Variants in CNTN5 observed in about 807,000 individuals in gnomAD.
The protein encoded by CNTN5 is contactin 5.
CNTN5 carries 77 observed loss-of-function variants against 129.1 expected under a neutral mutation model. That is an observed-to-expected ratio of 0.60 (90% CI 0.50 to 0.72). The LOEUF (loss-of-function observed/expected upper bound fraction) is 0.72, where lower values mean the gene tolerates loss of function less well. CNTN5 is among the 30% of genes least tolerant of loss of function. The pLI is 0.00. For synonymous variants in CNTN5, 509 were observed against 465.6 expected, an observed-to-expected ratio of 1.09 and a Z score of -1.20; for missense variants, 1,478 against 1,328.8, an observed-to-expected ratio of 1.11 and a Z score of -1.75.
rs147677504 is a variant in CNTN5, at chr11:99,729,817, A to G, written c.56-89727A>G. ...CACAGGAACAAAAAACAAACACTGC[A>G]TGTTCTCACTTATAAGTGGGAGCTG... On this transcript the variant is annotated intron_variant, in intron 3 of 24. Transcript: ENST00000524871. Among the ~76,000 whole-genome samples, 1,410 of 152,294 alleles carry G rather than the reference A, an allele frequency of 9.3e-3. 24 individuals are homozygous for G. Among genetic ancestry groups the G allele is most frequent in the African/African-American group, 0.032 (1,320 of 41,554 alleles).
At chr11:100,009,160 C>CTAAA (rs1940368301) in intron 9 of CNTN5, among the ~76,000 whole-genome samples, 2 of 152,106 alleles carry the variant, frequency 1.3e-5, no homozygotes, top group African/African-American at 4.8e-5. Flanking sequence ...CCATAAGCTG[C>CTAAA]AAGCTTTCTC....
chr11:100,285,302 G>C (rs1211397554), intron 18 of CNTN5, among the ~76,000 whole-genome samples: 1 of 152,166 alleles, frequency 6.6e-6, no homozygotes, highest in East Asian at 1.9e-4. Context: ...CAGCTCTGCA[G>C]TCAACTTCCC....
intron 3 of CNTN5, among the ~76,000 whole-genome samples, chr11:99,685,445 A>G (rs1953748594): frequency 6.6e-6 from 1 of 151,910 alleles, no homozygotes; most frequent in South Asian, 2.1e-4. Flanking sequence ...TTCTTCCATT[A>G]AGAGAGAAAG....
chr11:99,947,256 T>C (rs2136133971), intron 7 of CNTN5, among the ~76,000 whole-genome samples: 1 of 151,756 alleles, frequency 6.6e-6, no homozygotes, highest in South Asian at 2.1e-4. Flanking sequence ...GCCAAAACTT[T>C]CATGTTATGT....
chr11:99,124,239 T>G (rs544533060), intron 1 of CNTN5, among the ~76,000 whole-genome samples: 1 of 152,246 alleles, frequency 6.6e-6, no homozygotes, highest in African/African-American at 2.4e-5. Flanking sequence ...GTGGAGAGCT[T>G]TCCTTTTCCT....
At chr11:100,175,475 A>C (rs1358495722) in intron 13 of CNTN5, among the ~76,000 whole-genome samples, 1 of 152,166 alleles carries the variant, frequency 6.6e-6, no homozygotes, top group African/African-American at 2.4e-5. Flanking sequence ...GTCTTCATCT[A>C]TAAAATACAG....
intron 1 of CNTN5, among the ~76,000 whole-genome samples, chr11:99,195,735 G>A (rs189950177): frequency 8.6e-5 from 13 of 152,022 alleles, no homozygotes; most frequent in East Asian, 1.9e-4. Flanking sequence ...AAAATATGGC[G>A]TACTTATCCA....
intron 6 of CNTN5, among the ~76,000 whole-genome samples, chr11:99,868,879 A>G (rs549976689): frequency 6.6e-6 from 1 of 152,342 alleles, no homozygotes; most frequent in East Asian, 1.9e-4. Context: ...ACCATGTTTT[A>G]GGTACATTAG....
chr11:99,059,853 T>C lies in CNTN5; in HGVS notation c.-210+38583T>C, dbSNP rs75252717. On this transcript the variant is annotated intron_variant, in intron 1 of 24. Coordinates refer to ENST00000524871, the MANE Select transcript of CNTN5 (RefSeq NM_014361.4). ...GATGGGTAAAGTTTAATTCCAGTAATATTATTGCTAGTTATATAAATGCCA... is the reference window on the plus strand; with the variant it reads ...GATGGGTAAAGTTTAATTCCAGTAACATTATTGCTAGTTATATAAATGCCA... Among the ~76,000 whole-genome samples, 1,202 of 152,164 alleles carry C rather than the reference T, an allele frequency of 7.9e-3. 17 individuals carry two copies. Among genetic ancestry groups the C allele is most frequent in the African/African-American group, 0.028 (1,171 of 41,538 alleles).
At chr11:100,221,482 C>A (rs556865259) in intron 15 of CNTN5, among the ~76,000 whole-genome samples, 143 of 152,228 alleles carry the variant, frequency 9.4e-4, no homozygotes, top group African/African-American at 3.3e-3. Context: ...AGAAAGAATT[C>A]GACTTGGGTG....
At chr11:100,048,342 A>G (rs1048948363) in intron 9 of CNTN5, among the ~76,000 whole-genome samples, 5 of 152,130 alleles carry the variant, frequency 3.3e-5, no homozygotes, top group African/African-American at 1.2e-4. Flanking sequence ...ACTGGATTAC[A>G]TCAAAAGCTT....
chr11:99,584,691 A>C (rs764691369), intron 3 of CNTN5, among the ~76,000 whole-genome samples: 1 of 152,256 alleles, frequency 6.6e-6, no homozygotes, highest in African/African-American at 2.4e-5. Flanking sequence ...TACACAAAGC[A>C]CTTCTGCTTC....
In CNTN5 at chr11:100,345,262, G is replaced by A. The variant is rs1378791673; in HGVS notation, c.3030+4057G>A. 1.4e-4 allele frequency among the ~76,000 whole-genome samples: 21 copies of A among 152,160 alleles called. 1 individual carries two copies. The highest frequency in any genetic ancestry group is 1.3e-3 in the Admixed American group (20 of 15,268). On this transcript the variant is annotated intron_variant, in intron 23 of 24. Transcript: ENST00000524871. ...TGACTTGAAAGCAGTATCCTCAAGA[G>A]GGGAGGAACACCGTGTCCTCACTTG...
chr11:99,677,538 T>C (rs2134690173), intron 3 of CNTN5, among the ~76,000 whole-genome samples: 1 of 152,322 alleles, frequency 6.6e-6, no homozygotes, highest in African/African-American at 2.4e-5. Context: ...AGTCTCATGC[T>C]GATCTAGTTA....
intron 3 of CNTN5, among the ~76,000 whole-genome samples, chr11:99,620,387 A>G (rs935492665): frequency 5.9e-5 from 9 of 152,010 alleles, no homozygotes; most frequent in African/African-American, 1.4e-4. Context: ...CATTGCCAGC[A>G]TATAATATTT....
At chr11:99,580,641 A>G (rs1267218486) in intron 3 of CNTN5, among the ~76,000 whole-genome samples, 10 of 152,004 alleles carry the variant, frequency 6.6e-5, no homozygotes, top group African/African-American at 2.4e-4. Context: ...GTATTCTCTG[A>G]TGGTAGTTTG....
chr11:100,024,118 A>C (rs551501747), intron 9 of CNTN5, among the ~76,000 whole-genome samples: 1 of 152,266 alleles, frequency 6.6e-6, no homozygotes, highest in African/African-American at 2.4e-5. Context: ...ATGTCAAGGG[A>C]GAGACCAGGT....
At chr11:100,297,080 CA>C (rs1951113257) in intron 18 of CNTN5, among the ~76,000 whole-genome samples, 1 of 151,466 alleles carries the variant, frequency 6.6e-6, no homozygotes, top group South Asian at 2.1e-4. Context: ...ATAAATTTTG[CA>C]GTTTGCAGAG....
intron 4 of CNTN5, among the ~76,000 whole-genome samples, chr11:99,820,109 C>G (rs1317088796): frequency 6.6e-6 from 1 of 151,048 alleles, no homozygotes; most frequent in Non-Finnish European, 1.5e-5. Flanking sequence ...ACAGACACTA[C>G]TGGGTTATAA....
Sources: gnomAD v4.1 joint callset for allele counts (sites outside exome capture counted in the v4.1 genomes callset) on GRCh38, gnomAD v4.1.1 for gene constraint, MANE v1.5 for transcripts, NCBI Gene and HGNC (gene_info 2026-07-23, HGNC 2026-07-21) for gene names.